The following HPSE2 variants were observed in gnomAD, a reference collection of about 807,000 sequenced individuals.
HPSE2 encodes heparanase 2 (inactive).
Under a neutral mutation model 60.5 loss-of-function variants are expected in HPSE2, and 38 were observed. The ratio of observed to expected loss-of-function variants is 0.63; its 90% CI spans 0.48 to 0.82. The LOEUF (loss-of-function observed/expected upper bound fraction) is 0.82. Ranked by LOEUF, HPSE2 falls within the 40% of genes least tolerant of loss-of-function variation. HPSE2 has a pLI of 0.00. For synonymous variants in HPSE2, 295 were observed against 293.2 expected (o/e 1.01, Z -0.06); for missense variants, 713 against 740.4 (o/e 0.96, Z 0.43).
At chr10:98,973,230 G>A (rs1956002486) in intron 3 of HPSE2, among the ~76,000 whole-genome samples, 1 of 152,102 alleles carries the variant, frequency 6.6e-6, no homozygotes, top group Non-Finnish European at 1.5e-5. Flanking sequence ...CCCTTTCCAA[G>A]AAAGCCATCA....
At chr10:98,626,195 G>A (rs1340069165) in intron 7 of HPSE2, among the ~76,000 whole-genome samples, 2 of 152,070 alleles carry the variant, frequency 1.3e-5, no homozygotes, top group Admixed American at 6.6e-5. Context: ...TCAGTGAGTG[G>A]CGGTAGTCAT....
intron 6 of HPSE2, among the ~76,000 whole-genome samples, chr10:98,656,212 A>C (rs1947058809): frequency 6.6e-6 from 1 of 151,934 alleles, no homozygotes. Flanking sequence ...TCACCTCCTG[A>C]GTAGCTGGGA....
At chr10:98,562,714 CAAAAAAA>C (rs34420790) in intron 9 of HPSE2, among the ~76,000 whole-genome samples, 1 of 88,904 alleles carries the variant, frequency 1.1e-5, no homozygotes, top group Non-Finnish European at 2.4e-5. Context: ...GACTCTGTCT[CAAAAAAA>C]AAAAAAAAAA....
intron 2 of HPSE2, among the ~76,000 whole-genome samples, chr10:99,159,282 C>A (rs975950848): frequency 1.3e-5 from 2 of 151,998 alleles, no homozygotes; most frequent in Non-Finnish European, 2.9e-5. Context: ...AAAGAAGACA[C>A]AAATTACCAA....
intron 2 of HPSE2, among the ~76,000 whole-genome samples, chr10:99,154,964 T>A (rs1846470685): frequency 1.3e-5 from 2 of 151,288 alleles, no homozygotes; most frequent in East Asian, 3.9e-4. Context: ...TAGTCTCTCA[T>A]AAAACAGACT....
At chr10:99,239,797 T>C (rs1174777477), upstream of HPSE2, among the ~76,000 whole-genome samples, 2 of 152,054 alleles carry the variant, frequency 1.3e-5, no homozygotes, top group African/African-American at 4.8e-5. Context: ...TTATCTCTAT[T>C]ACTTTCCAAA....
Position 98,618,607 on chromosome 10 carries a change from C to T in HPSE2, c.1205+1995G>A, listed in dbSNP as rs141147347. On this transcript the variant is annotated intron_variant, in intron 8 of 11. Coordinates refer to ENST00000370552, the MANE Select transcript of HPSE2 (RefSeq NM_021828.5). The stretch of plus-strand genomic sequence containing the variant: ...TTATCTGGGGGGCATGGGGGAGGGA[C>T]GGAGTCTTGCTCTGTTGCCCAGGCT... Among the ~76,000 whole-genome samples, 1,026 of 152,088 alleles carry T rather than the reference C, an allele frequency of 6.7e-3. 10 individuals carry two copies. The highest frequency in any genetic ancestry group is 0.024 in the African/African-American group (982 of 41,486).
intron 9 of HPSE2, among the ~76,000 whole-genome samples, chr10:98,512,405 C>T (rs1942439500): frequency 6.6e-6 from 1 of 152,078 alleles, no homozygotes; most frequent in South Asian, 2.1e-4. Flanking sequence ...CACGGTGAAA[C>T]CCTGTCTCTA....
intron 6 of HPSE2, among the ~76,000 whole-genome samples, chr10:98,681,173 G>A (rs1947778343): frequency 6.6e-6 from 1 of 151,836 alleles, no homozygotes; most frequent in African/African-American, 2.4e-5. Context: ...AATGAACAAA[G>A]TGAGCTTGTC....
intron 3 of HPSE2, among the ~76,000 whole-genome samples, chr10:99,042,903 G>A (rs75205010): frequency 0.017 from 2,518 of 152,190 alleles, 100 homozygotes; most frequent in East Asian, 0.15. Flanking sequence ...GGCCTTAAGC[G>A]CCATCTACTG....
chr10:98,565,687 C>CA (rs1447150110), intron 9 of HPSE2, among the ~76,000 whole-genome samples: 1 of 152,154 alleles, frequency 6.6e-6, no homozygotes, highest in Non-Finnish European at 1.5e-5. Context: ...TTTGGGTATA[C>CA]ACCCAGTAAT....
intron 3 of HPSE2, among the ~76,000 whole-genome samples, chr10:99,090,395 CGAAG>C (rs903589302): frequency 4.6e-5 from 7 of 152,088 alleles, no homozygotes; most frequent in African/African-American, 9.6e-5. Context: ...ATGTTCTGAA[CGAAG>C]GAAGGAACTT....
chr10:99,147,486 T>G (rs750543569), intron 2 of HPSE2, among the ~76,000 whole-genome samples: 51 of 152,182 alleles, frequency 3.4e-4, no homozygotes, highest in Admixed American at 6.5e-4. Context: ...ACTCCCTATT[T>G]CCTATCTAAT....
chr10:99,199,434 C>T (rs1848504633), intron 2 of HPSE2, among the ~76,000 whole-genome samples: 1 of 151,866 alleles, frequency 6.6e-6, no homozygotes, highest in African/African-American at 2.4e-5. Flanking sequence ...GTCTTTAGTC[C>T]ATTTTGGCTT....
At chr10:98,769,043 T>C (rs1950185287) in intron 3 of HPSE2, among the ~76,000 whole-genome samples, 1 of 152,274 alleles carries the variant, frequency 6.6e-6, no homozygotes, top group South Asian at 2.1e-4. Context: ...CAAGACTCCA[T>C]CTCAAATAAT....
intron 2 of HPSE2, among the ~76,000 whole-genome samples, chr10:99,209,429 A>G (rs1250389488): frequency 6.6e-6 from 1 of 152,246 alleles, no homozygotes; most frequent in Non-Finnish European, 1.5e-5. Flanking sequence ...AAATTTTAAA[A>G]TATTGTAAGA....
chr10:99,088,568 T>G (rs1022808071), intron 3 of HPSE2, among the ~76,000 whole-genome samples: 2 of 152,238 alleles, frequency 1.3e-5, no homozygotes, highest in African/African-American at 4.8e-5. Context: ...TATTCTATGG[T>G]GTATATATAC....
intron 9 of HPSE2, among the ~76,000 whole-genome samples, chr10:98,528,792 C>T (rs1170266066): frequency 1.3e-5 from 2 of 152,162 alleles, no homozygotes; most frequent in Non-Finnish European, 2.9e-5. Flanking sequence ...GCAGCAGCCC[C>T]AAATGGGCTT....
chr10:98,721,995 G>GTC (rs988044739), intron 4 of HPSE2, among the ~76,000 whole-genome samples, 167 bp from the exon 5 acceptor site: 17 of 150,728 alleles, frequency 1.1e-4, no homozygotes, highest in Non-Finnish European at 2.5e-4. Context: ...ACAAAAAAAG[G>GTC]TCAAGTTAGC....
Sources: gnomAD v4.1 joint callset for allele counts (sites outside exome capture counted in the v4.1 genomes callset) on GRCh38, gnomAD v4.1.1 for gene constraint, MANE v1.5 for transcripts, NCBI Gene and HGNC (gene_info 2026-07-23, HGNC 2026-07-21) for gene names.